CAMK2N1: variants seen among roughly 807,000 people sequenced by gnomAD.
CAMK2N1 encodes calcium/calmodulin dependent protein kinase II inhibitor 1.
In CAMK2N1, 2 loss-of-function variants were observed where a neutral mutation model predicts 6.4. The ratio of observed to expected loss-of-function variants is 0.31; its 90% CI spans 0.13 to 0.98. The LOEUF is 0.98. Ranked by LOEUF, CAMK2N1 falls within the 50% of genes least tolerant of loss-of-function variation. The probability of loss-of-function intolerance (pLI) is 0.51; values close to 1 mark genes in which losing one functional copy is unlikely to be tolerated. For missense variants in CAMK2N1, 77 were observed against 107.3 expected (o/e 0.72, Z 1.25); for synonymous variants, 42 against 47.5 (o/e 0.88, Z 0.47).
Position 20,483,638 on chromosome 1 carries a change from CT to C in CAMK2N1, c.*10del. 1 of 1,602,646 alleles carries C rather than the reference CT, an allele frequency of 6.2e-7. No individual in the cohort carries two copies. The highest frequency in any genetic ancestry group is 1.1e-5 in the South Asian group (1 of 90,876). The stretch of plus-strand genomic sequence containing the variant: ...CTTATTCTCTCCCTTAACTCATTGT[CT>C]TTGGGGGAGTTAGACACCAGGAGGT... On this transcript the variant is annotated 3_prime_UTR_variant, in exon 2 of 2. Coordinates refer to ENST00000375078, the MANE Select transcript of CAMK2N1 (RefSeq NM_018584.6).
At position 20,483,080 on chromosome 1, in the gene CAMK2N1, T is replaced by C. The variant is rs1186222606; in HGVS notation, c.*569A>G. ...TAAAGATGACCAAAATAAAACAGAA[T>C]ATCTACAGAGATCATTTTCTGAATT... is the stretch of plus-strand genomic sequence containing the variant. On this transcript the variant is annotated 3_prime_UTR_variant, in exon 2 of 2. Coordinates refer to ENST00000375078, the MANE Select transcript of CAMK2N1 (RefSeq NM_018584.6). The C allele has an allele frequency of 3.3e-5, 5 of 152,620 alleles. No homozygotes were observed. The highest frequency in any genetic ancestry group is 5.9e-5 in the Non-Finnish European group (4 of 68,080). 9.5% of individuals were successfully genotyped at this position (152,620 alleles called of 1,614,324 possible).
chr1:20,485,115 G>T lies in CAMK2N1; in HGVS notation c.166+99C>A. On this transcript the variant is annotated intron_variant, in intron 1 of 1. Coordinates refer to ENST00000375078, the MANE Select transcript of CAMK2N1 (RefSeq NM_018584.6). This position sits in a 1 kb window ranked among gnomAD's most constrained non-coding sequence, Gnocchi z 8.4. ...AATTCTGCAAGAAGGGATTCCGTCA[G>T]GTCTGAACGGGCTCCAGCGGGTGGG... 1 of 1,320,122 alleles carries T rather than the reference G, an allele frequency of 7.6e-7. No individual in the cohort carries two copies. The highest frequency in any genetic ancestry group is 2.4e-5 in the Admixed American group (1 of 40,842). 81.8% of individuals were successfully genotyped at this position (1,320,122 alleles called of 1,614,324 possible).
In CAMK2N1 at chr1:20,483,542, T is replaced by G. The variant is rs1477414742; in HGVS notation, c.*107A>C. 2.1e-6 allele frequency: 2 copies of G among 963,000 alleles called. No homozygotes were observed. 59.7% of individuals were successfully genotyped at this position (963,000 alleles called of 1,614,324 possible). ...TACAGGTTGTTGATTTCATCGTGGG[T>G]AGCAAGCTAGTAATAAATTTCAAAG... On this transcript the variant is annotated 3_prime_UTR_variant, in exon 2 of 2. Coordinates refer to ENST00000375078, the MANE Select transcript of CAMK2N1 (RefSeq NM_018584.6).
intron 1 of CAMK2N1, 33 bp from the exon 2 acceptor site, chr1:20,483,752 G>A: frequency 6.3e-7 from 1 of 1,590,212 alleles, no homozygotes; most frequent in Non-Finnish European, 8.6e-7. Flanking sequence ...AGAGGTGAGC[G>A]CGCTGGGGCC....
At chr1:20,483,804 G>A in intron 1 of CAMK2N1, 85 bp from the exon 2 acceptor site, 2 of 1,204,200 alleles carry the variant, frequency 1.7e-6, no homozygotes, top group Non-Finnish European at 2.5e-6. Context: ...CCCAGAGTGG[G>A]AGGTCGGGAG....
rs1163671884 is a variant in CAMK2N1, at chr1:20,484,042, T to C, written c.167-323A>G. Among the ~76,000 whole-genome samples the C allele has an allele frequency of 6.6e-6, 1 of 152,128 alleles. No individual in the cohort carries two copies. Among genetic ancestry groups the C allele is most frequent in the African/African-American group, 2.4e-5 (1 of 41,440 alleles). ...GTCCTCCCCGCACCAGGCGCACTAA[T>C]TTAGACAGAAATGTCTGGAGCTGGG... On this transcript the variant is annotated intron_variant, in intron 1 of 1. Transcript: ENST00000375078. This position sits in a 1 kb window ranked among gnomAD's most constrained non-coding sequence, Gnocchi z 6.8.
Position 20,485,870 on chromosome 1 carries a change from GGGGA to G in CAMK2N1, c.-495_-492del, listed in dbSNP as rs2051509011. On this transcript the variant is annotated 5_prime_UTR_variant, in exon 1 of 2. Transcript: ENST00000375078. This position sits in a 1 kb window ranked among gnomAD's most constrained non-coding sequence, Gnocchi z 8.4. Reference sequence around the variant, plus strand: ...CGGGGCTGCGAGGGGCGGAGGGGGAGGGGAGGGAGAGAGGAGGGAGGGCACCGGG... The same window carrying G: ...CGGGGCTGCGAGGGGCGGAGGGGGAGGGGAGAGAGGAGGGAGGGCACCGGG... 6.6e-6 allele frequency: 1 copy of G among 150,734 alleles called. No homozygotes were observed. The highest frequency in any genetic ancestry group is 2.4e-5 in the African/African-American group (1 of 40,822). The allele number at this position is 150,734 out of a possible 1,614,324, so 9.3% of individuals were successfully genotyped here.
chr1:20,485,751 A>G lies in CAMK2N1; in HGVS notation c.-372T>C, dbSNP rs1295940691. On this transcript the variant is annotated 5_prime_UTR_variant, in exon 1 of 2. Coordinates refer to ENST00000375078, the MANE Select transcript of CAMK2N1 (RefSeq NM_018584.6). This position sits in a 1 kb window ranked among gnomAD's most constrained non-coding sequence, Gnocchi z 8.4. ...TGCGAGCCCGGAGGGCGCGGGACCGAGGAGGGCGCACCCCGGGAGCCGGGC... is the reference window on the plus strand; with the variant it reads ...TGCGAGCCCGGAGGGCGCGGGACCGGGGAGGGCGCACCCCGGGAGCCGGGC... 6.7e-6 allele frequency: 1 copy of G among 149,254 alleles called. No homozygotes were observed. The highest frequency in any genetic ancestry group is 1.5e-5 in the Non-Finnish European group (1 of 67,194). The allele number at this position is 149,254 out of a possible 1,614,324, so 9.2% of individuals were successfully genotyped here. A position where few individuals can be genotyped will look rare whatever the true frequency, so the allele number is the denominator to read the frequency against.
At position 20,483,787 on chromosome 1, in the gene CAMK2N1, C is replaced by A. The variant is rs1030405086; in HGVS notation, c.167-68G>T. 4 of 1,423,312 alleles carry A rather than the reference C, an allele frequency of 2.8e-6. No homozygotes were observed. The East Asian group carries it at 9.1e-5, about 32-fold the overall frequency. The allele number at this position is 1,423,312 out of a possible 1,614,324, so 88.2% of individuals were successfully genotyped here. A position where few individuals can be genotyped will look rare whatever the true frequency, so the allele number is the denominator to read the frequency against. Reference sequence around the variant, plus strand: ...CTAGCCAGAGGTCTCTGACATTTCCCGTTATGCCCAGAGTGGGAGGTCGGG... The same window carrying A: ...CTAGCCAGAGGTCTCTGACATTTCCAGTTATGCCCAGAGTGGGAGGTCGGG... On this transcript the variant is annotated intron_variant, in intron 1 of 1. Coordinates refer to ENST00000375078, the MANE Select transcript of CAMK2N1 (RefSeq NM_018584.6).
Position 20,484,532 on chromosome 1 carries a change from C to T in CAMK2N1, c.166+682G>A, listed in dbSNP as rs1189935542. 2.0e-5 allele frequency: 3 copies of T among 152,264 alleles called. No individual in the cohort carries two copies. The highest frequency in any genetic ancestry group is 1.3e-4 in the Admixed American group (2 of 15,274). The allele number at this position is 152,264 out of a possible 1,614,324, so 9.4% of individuals were successfully genotyped here. ...ACGCGCGTCCTCGGCTCTGTCTCTC[C>T]CGCTTCAGCTCCCCTCTCGGGAGCT... On this transcript the variant is annotated intron_variant, in intron 1 of 1. Coordinates refer to ENST00000375078, the MANE Select transcript of CAMK2N1 (RefSeq NM_018584.6). The surrounding 1 kb of genome is among the most constrained non-coding windows in gnomAD (Gnocchi z 6.8).
rs1030405086 is a variant in CAMK2N1, at chr1:20,483,787, C to G, written c.167-68G>C. Reference sequence around the variant, plus strand: ...CTAGCCAGAGGTCTCTGACATTTCCCGTTATGCCCAGAGTGGGAGGTCGGG... The same window carrying G: ...CTAGCCAGAGGTCTCTGACATTTCCGGTTATGCCCAGAGTGGGAGGTCGGG... On this transcript the variant is annotated intron_variant, in intron 1 of 1. Transcript: ENST00000375078. 10 of 1,423,194 alleles carry G rather than the reference C, an allele frequency of 7.0e-6. No homozygotes were observed. In the Admixed American group the frequency reaches 1.7e-4, roughly 24 times the overall value. 88.2% of individuals were successfully genotyped at this position (1,423,194 alleles called of 1,614,324 possible).
rs979720287 is a variant in CAMK2N1, at chr1:20,485,465, G to A, written c.-86C>T. On this transcript the variant is annotated 5_prime_UTR_variant, in exon 1 of 2. Coordinates refer to ENST00000375078, the MANE Select transcript of CAMK2N1 (RefSeq NM_018584.6). The surrounding 1 kb of genome is among the most constrained non-coding windows in gnomAD (Gnocchi z 8.4). ...CAGGGTCAGCGGCGCTGGGGCCGGG[G>A]GCGGCCGGCCGGGGACGGCCCGCGG... The A allele has an allele frequency of 1.0e-6, 1 of 987,684 alleles. No homozygotes were observed. Among genetic ancestry groups the A allele is most frequent in the East Asian group, 7.9e-5 (1 of 12,614 alleles). The allele number at this position is 987,684 out of a possible 1,614,324, so 61.2% of individuals were successfully genotyped here.
chr1:20,483,484 C>T lies in CAMK2N1; in HGVS notation c.*165G>A. ...GCCTTCTCCTCCTCCTCCTCCTCCT[C>T]TCGCCTCATCTGTCTCCCGGCCTGA... On this transcript the variant is annotated 3_prime_UTR_variant, in exon 2 of 2. Transcript: ENST00000375078. 1 of 577,762 alleles carries T rather than the reference C, an allele frequency of 1.7e-6. No homozygotes were observed. The highest frequency in any genetic ancestry group is 3.0e-5 in the East Asian group (1 of 33,622). The allele number at this position is 577,762 out of a possible 1,614,324, so 35.8% of individuals were successfully genotyped here. A position where few individuals can be genotyped will look rare whatever the true frequency, so the allele number is the denominator to read the frequency against.
At position 20,482,842 on chromosome 1, in the gene CAMK2N1, TTTTC is replaced by T. The variant is rs1190539690; in HGVS notation, c.*803_*806del. The T allele has an allele frequency of 7.0e-6, 1 of 142,716 alleles. No homozygotes were observed. Among genetic ancestry groups the T allele is most frequent in the African/African-American group, 2.6e-5 (1 of 38,432 alleles). 8.8% of individuals were successfully genotyped at this position (142,716 alleles called of 1,614,324 possible). On this transcript the variant is annotated 3_prime_UTR_variant, in exon 2 of 2. Coordinates refer to ENST00000375078, the MANE Select transcript of CAMK2N1 (RefSeq NM_018584.6). ...GAAGTTAGAAAAAGCTCAAGCATTTTTTTCTTTGTTTTTCGTGTGTGTGTGTGTG... is the reference window on the plus strand; with the variant it reads ...GAAGTTAGAAAAAGCTCAAGCATTTTTTTGTTTTTCGTGTGTGTGTGTGTG...
In CAMK2N1 at chr1:20,483,690, C is replaced by T. The variant is rs2051486944; in HGVS notation, c.196G>A (p.Val66Met). The T allele has an allele frequency of 6.2e-7, 1 of 1,613,936 alleles. No homozygotes were observed. Among genetic ancestry groups the T allele is most frequent in the African/African-American group, 1.3e-5 (1 of 74,882 alleles). ...VVIEDDRIDD[V>M]LKNMTDKAPP... ...GCCTTGTCGGTCATATTTTTCAGCA[C>T]GTCATCAATCCTATCATCTTCAATA... The change falls in exon 2 of 2, where the codon GTG becomes ATG. Residue 66 changes from valine (V) to methionine (M), a missense_variant. Physicochemically the swap from Val to Met is conservative, Grantham distance 21. Transcript: ENST00000375078.
chr1:20,485,488 C>CG lies in CAMK2N1; in HGVS notation c.-110dup, dbSNP rs1189277585. 4 of 769,180 alleles carry CG rather than the reference C, an allele frequency of 5.2e-6. No homozygotes were observed. Among genetic ancestry groups the CG allele is most frequent in the Non-Finnish European group, 6.3e-6 (4 of 633,886 alleles). 47.6% of individuals were successfully genotyped at this position (769,180 alleles called of 1,614,324 possible). A position where few individuals can be genotyped will look rare whatever the true frequency, so the allele number is the denominator to read the frequency against. On this transcript the variant is annotated 5_prime_UTR_variant, in exon 1 of 2. Coordinates refer to ENST00000375078, the MANE Select transcript of CAMK2N1 (RefSeq NM_018584.6). This position sits in a 1 kb window ranked among gnomAD's most constrained non-coding sequence, Gnocchi z 8.4. ...GGGGCGGCCGGCCGGGGACGGCCCG[C>CG]GGGCTGCTGCGGCGGTGGCGCCGGC... is the stretch of plus-strand genomic sequence containing the variant.
In CAMK2N1 at chr1:20,485,544, G is replaced by A. The variant is rs974271478; in HGVS notation, c.-165C>T. 293 of 307,004 alleles carry A rather than the reference G, an allele frequency of 9.5e-4. 1 individual carries two copies. The highest frequency in any genetic ancestry group is 6.4e-3 in the African/African-American group (281 of 44,012). The allele number at this position is 307,004 out of a possible 1,614,324, so 19.0% of individuals were successfully genotyped here. A position where few individuals can be genotyped will look rare whatever the true frequency, so the allele number is the denominator to read the frequency against. ...GCCGGGGGACGCCGCTAGGGCAAGA[G>A]CGCGGCACTCGCGCGAGCGGCCCGG... On this transcript the variant is annotated 5_prime_UTR_variant, in exon 1 of 2. Coordinates refer to ENST00000375078, the MANE Select transcript of CAMK2N1 (RefSeq NM_018584.6). The surrounding 1 kb of genome is among the most constrained non-coding windows in gnomAD (Gnocchi z 8.4).
In CAMK2N1 at chr1:20,484,566, G is replaced by C. The variant is rs1375005304; in HGVS notation, c.166+648C>G. The C allele has an allele frequency of 6.6e-6, 1 of 151,966 alleles. No homozygotes were observed. Among genetic ancestry groups the C allele is most frequent in the East Asian group, 2.0e-4 (1 of 5,126 alleles). 9.4% of individuals were successfully genotyped at this position (151,966 alleles called of 1,614,324 possible). A position where few individuals can be genotyped will look rare whatever the true frequency, so the allele number is the denominator to read the frequency against. On this transcript the variant is annotated intron_variant, in intron 1 of 1. Transcript: ENST00000375078. The surrounding 1 kb of genome is among the most constrained non-coding windows in gnomAD (Gnocchi z 6.8). Reference sequence around the variant, plus strand: ...CTCCCCTCTCGGGAGCTTTGTCTCGGTCTCTGCCACCCTCGGTCTCCCGCG... The same window carrying C: ...CTCCCCTCTCGGGAGCTTTGTCTCGCTCTCTGCCACCCTCGGTCTCCCGCG...
Position 20,485,177 on chromosome 1 carries a change from A to G in CAMK2N1, c.166+37T>C, listed in dbSNP as rs1250756584. 1.9e-6 allele frequency: 3 copies of G among 1,559,264 alleles called. No individual in the cohort carries two copies. The highest frequency in any genetic ancestry group is 2.6e-6 in the Non-Finnish European group (3 of 1,156,132). ...ACCCTTGTTCAGGCCGCGGCGCGGG[A>G]AAAAGGGGGTGTCAGACAAGGGGGC... On this transcript the variant is annotated intron_variant, in intron 1 of 1. Transcript: ENST00000375078. The surrounding 1 kb of genome is among the most constrained non-coding windows in gnomAD (Gnocchi z 8.4).
Sources: gnomAD v4.1 joint callset for allele counts (sites outside exome capture counted in the v4.1 genomes callset) on GRCh38, gnomAD v4.1.1 for gene constraint, Gnocchi (gnomAD v3.1) non-coding constraint, MANE v1.5 for transcripts, NCBI Gene and HGNC (gene_info 2026-07-23, HGNC 2026-07-21) for gene names.